The following MED12L variants were observed in gnomAD, a reference collection of about 807,000 sequenced individuals.
MED12L encodes the protein mediator complex subunit 12L.
In MED12L, 60 loss-of-function variants were observed where a neutral mutation model predicts 281.3. The observed-to-expected ratio is 0.21, with a 90% confidence interval of 0.17 to 0.26. MED12L has a LOEUF of 0.26. Ranked by LOEUF, MED12L falls within the 10% of genes least tolerant of loss-of-function variation. MED12L has a pLI of 1.00. For missense variants in MED12L, 2,146 were observed against 2,680.9 expected (o/e 0.80, Z 4.41); for synonymous variants, 974 against 987.2 (o/e 0.99, Z 0.25).
At chr3:151,377,973 G>C in intron 30 of MED12L, 39 bp from the exon 31 acceptor site, 1 of 1,533,878 alleles carries the variant, frequency 6.5e-7, no homozygotes, top group South Asian at 1.2e-5. Flanking sequence ...GCAGGGGAAA[G>C]GATGCTTTCT....
At chr3:151,428,278 T>C (rs150727809) in intron 43 of MED12L, among the ~76,000 whole-genome samples, 109 of 152,326 alleles carry the variant, frequency 7.2e-4, no homozygotes, top group African/African-American at 2.5e-3. Context: ...CATAGTACAA[T>C]AGTTTCCCCA....
intron 39 of MED12L, among the ~76,000 whole-genome samples, chr3:151,399,768 C>T (rs1219698879): frequency 6.6e-6 from 1 of 152,124 alleles, no homozygotes; most frequent in Non-Finnish European, 1.5e-5. Flanking sequence ...CACCATCCCC[C>T]TCACTCTATC....
chr3:151,355,266 C>A, intron 18 of MED12L, 27 bp downstream of exon 18: 1 of 1,485,170 alleles, frequency 6.7e-7, no homozygotes, highest in Non-Finnish European at 9.3e-7. Context: ...GTTTATTATG[C>A]ATTTGCAGTA....
intron 25 of MED12L, among the ~76,000 whole-genome samples, chr3:151,368,830 C>T (rs138093994): frequency 0.014 from 2,040 of 144,474 alleles, 43 homozygotes; most frequent in African/African-American, 0.05. Context: ...GGTGTGATCT[C>T]GGCTCACTGC....
chr3:151,425,558 GTT>G (rs1718779587), intron 43 of MED12L: 1 of 383,272 alleles, frequency 2.6e-6, no homozygotes, highest in Non-Finnish European at 5.3e-6. Context: ...ATACATTTTT[GTT>G]TTTGTTTGTG....
At chr3:151,124,740 C>T (rs534447599) in intron 4 of MED12L, among the ~76,000 whole-genome samples, 28 of 152,278 alleles carry the variant, frequency 1.8e-4, no homozygotes, top group Non-Finnish European at 3.5e-4. Flanking sequence ...CTTCACAGCG[C>T]GCCAAGGCGT....
Position 151,086,855 on chromosome 3 carries a change from T to G in MED12L, c.-72T>G, listed in dbSNP as rs1719290972. The stretch of plus-strand genomic sequence containing the variant: ...GAGAGGGAGTCTGTCTGCAAAGTGC[T>G]GCTCCCTGGTGCTCAGAGGCGGCTG... On this transcript the variant is annotated 5_prime_UTR_variant, in exon 2 of 45. Transcript: ENST00000687756. 1 of 1,234,780 alleles carries G rather than the reference T, an allele frequency of 8.1e-7. No individual in the cohort carries two copies. Among genetic ancestry groups the G allele is most frequent in the Non-Finnish European group, 1.1e-6 (1 of 882,514 alleles). The allele number at this position is 1,234,780 out of a possible 1,614,324, so 76.5% of individuals were successfully genotyped here.
chr3:151,211,385 GTTTTTGT>G (rs951523379), intron 16 of MED12L, among the ~76,000 whole-genome samples: 1 of 138,296 alleles, frequency 7.2e-6, no homozygotes, highest in Non-Finnish European at 1.5e-5. Flanking sequence ...TTTTTGTTTC[GTTTTTGT>G]TTTTTGTTTT....
At chr3:151,296,256 C>T (rs1257260276) in intron 16 of MED12L, among the ~76,000 whole-genome samples, 1 of 152,024 alleles carries the variant, frequency 6.6e-6, no homozygotes, top group Non-Finnish European at 1.5e-5. Context: ...AGACCTGTAC[C>T]ATATCACTGC....
chr3:151,186,240 A>T (rs1054041397), intron 12 of MED12L, among the ~76,000 whole-genome samples: 3 of 152,154 alleles, frequency 2.0e-5, no homozygotes, highest in African/African-American at 4.8e-5. Context: ...GTTAGCAGGG[A>T]TGGCTATGGG....
chr3:151,311,469 G>C (rs896040650), intron 16 of MED12L, among the ~76,000 whole-genome samples: 2 of 152,002 alleles, frequency 1.3e-5, no homozygotes, highest in African/African-American at 4.8e-5. Flanking sequence ...CTGACACATT[G>C]ATGTAGTAAT....
intron 32 of MED12L, 24 bp from the exon 33 acceptor site, chr3:151,382,632 G>T: frequency 6.4e-7 from 1 of 1,566,146 alleles, no homozygotes; most frequent in East Asian, 2.3e-5. Context: ...AAACTTTAAT[G>T]GGGAGTTTTT....
At chr3:151,221,687 G>A (rs536395312) in intron 16 of MED12L, among the ~76,000 whole-genome samples, 5 of 152,316 alleles carry the variant, frequency 3.3e-5, no homozygotes, top group South Asian at 4.1e-4. Context: ...GGGAACCTCC[G>A]CCTAGATTTC....
intron 16 of MED12L, chr3:151,198,493 C>G (rs1725016056): frequency 6.2e-7 from 1 of 1,613,490 alleles, no homozygotes; most frequent in Non-Finnish European, 8.5e-7. Flanking sequence ...AGGCAAAAGT[C>G]TCAGTGACCT....
intron 16 of MED12L, chr3:151,329,039 G>T (rs1435561591): frequency 2.0e-6 from 3 of 1,475,050 alleles, no homozygotes; most frequent in African/African-American, 2.8e-5. Context: ...ACAAACAAAA[G>T]AAAACAAAAA....
chr3:151,390,802 A>G (rs1348914528), intron 38 of MED12L, among the ~76,000 whole-genome samples: 1 of 152,206 alleles, frequency 6.6e-6, no homozygotes, highest in East Asian at 1.9e-4. Flanking sequence ...GATTTTTATT[A>G]TAACTTGAGT....
At chr3:151,117,102 TG>T (rs1712941673) in intron 3 of MED12L, among the ~76,000 whole-genome samples, 1 of 152,236 alleles carries the variant, frequency 6.6e-6, no homozygotes, top group Admixed American at 6.5e-5. Context: ...TCCATACGCA[TG>T]TTTTACTTGG....
chr3:151,129,538 C>A, intron 5 of MED12L, among the ~76,000 whole-genome samples: 1 of 151,628 alleles, frequency 6.6e-6, no homozygotes, highest in South Asian at 2.1e-4. Flanking sequence ...AAAGAAGTGC[C>A]CCTTTTTATT....
chr3:151,162,388 AT>A (rs1296158850), intron 8 of MED12L, among the ~76,000 whole-genome samples: 6 of 151,676 alleles, frequency 4.0e-5, no homozygotes, highest in Admixed American at 1.3e-4. Flanking sequence ...CTCAGAGTTT[AT>A]TTTTTTTATT....
Sources: gnomAD v4.1 joint callset for allele counts (sites outside exome capture counted in the v4.1 genomes callset) on GRCh38, gnomAD v4.1.1 for gene constraint, MANE v1.5 for transcripts, NCBI Gene and HGNC (gene_info 2026-07-23, HGNC 2026-07-21) for gene names.